Variants in OXR1 observed in about 807,000 individuals in gnomAD.
OXR1 encodes the protein oxidation resistance 1.
OXR1 carries 41 observed loss-of-function variants against 104.6 expected under a neutral mutation model. The ratio of observed to expected loss-of-function variants is 0.39; its 90% CI spans 0.31 to 0.51. The LOEUF (loss-of-function observed/expected upper bound fraction) is 0.51. Ranked by LOEUF, OXR1 falls within the 20% of genes least tolerant of loss-of-function variation. The pLI is 0.77. For missense variants in OXR1, 955 were observed against 1,031.9 expected (o/e 0.93, Z 1.02); for synonymous variants, 348 against 348.4 (o/e 1.00, Z 0.01).
chr8:106,498,361 A>T (rs1480445587), intron 2 of OXR1, among the ~76,000 whole-genome samples: 1 of 152,192 alleles, frequency 6.6e-6, no homozygotes, highest in African/African-American at 2.4e-5. Context: ...TAAATCAATC[A>T]AGCGTGTGAC....
intron 1 of OXR1, among the ~76,000 whole-genome samples, chr8:106,312,388 A>C (rs752181213): frequency 3.9e-5 from 6 of 152,212 alleles, no homozygotes; most frequent in Non-Finnish European, 8.8e-5. Flanking sequence ...CTTCCGCCAG[A>C]GTGAGCAAGA....
chr8:106,581,212 A>T (rs1201651568), intron 3 of OXR1: 11 of 1,288,128 alleles, frequency 8.5e-6, no homozygotes, highest in Non-Finnish European at 1.1e-5. Context: ...CAGAAAGCTG[A>T]ATTCCAAGGA....
chr8:106,607,142 C>T lies in OXR1; in HGVS notation c.221-72068C>T, dbSNP rs541049343. Among the ~76,000 whole-genome samples the T allele has an allele frequency of 2.9e-4, 44 of 152,328 alleles. No individual in the cohort carries two copies. The South Asian group carries it at 8.9e-3, about 31-fold the overall frequency. ...TTCCTCTTCTCTCTCCATACCTCTT[C>T]CCTTCTTGAAGATATTTTACTGCTG... On this transcript the variant is annotated intron_variant, in intron 3 of 16. Transcript: ENST00000517566.
chr8:106,641,796 C>T (rs1436854671), intron 3 of OXR1, among the ~76,000 whole-genome samples: 1 of 152,060 alleles, frequency 6.6e-6, no homozygotes, highest in Non-Finnish European at 1.5e-5. Flanking sequence ...GAAAGAGTAT[C>T]AGGCCAAAAC....
chr8:106,518,000 G>T (rs1472896769), intron 2 of OXR1, among the ~76,000 whole-genome samples: 1 of 152,086 alleles, frequency 6.6e-6, no homozygotes, highest in Non-Finnish European at 1.5e-5. Flanking sequence ...CCACGTCATG[G>T]GAAGCTTCCC....
At chr8:106,387,405 C>A (rs1817419678) in intron 2 of OXR1, among the ~76,000 whole-genome samples, 1 of 152,166 alleles carries the variant, frequency 6.6e-6, no homozygotes, top group South Asian at 2.1e-4. Flanking sequence ...CATCTAGACA[C>A]AATTATGTTT....
At chr8:106,596,712 T>C (rs1268818685) in intron 3 of OXR1, among the ~76,000 whole-genome samples, 1 of 152,134 alleles carries the variant, frequency 6.6e-6, no homozygotes, top group Non-Finnish European at 1.5e-5. Flanking sequence ...ATAGAGTCAA[T>C]GGTTCTCTCC....
At chr8:106,554,498 G>T (rs371556838) in intron 3 of OXR1, among the ~76,000 whole-genome samples, 83 of 152,230 alleles carry the variant, frequency 5.5e-4, no homozygotes, top group African/African-American at 1.8e-3. Flanking sequence ...AATAAGACCG[G>T]TAGATTAGTT....
chr8:106,728,375 GAT>G (rs1452691651), intron 11 of OXR1, among the ~76,000 whole-genome samples: 2 of 152,090 alleles, frequency 1.3e-5, no homozygotes, highest in Admixed American at 1.3e-4. Flanking sequence ...CTGTAAGAGA[GAT>G]TATCACTGAG....
intron 2 of OXR1, among the ~76,000 whole-genome samples, chr8:106,385,513 A>G (rs74491748): frequency 0.013 from 2,013 of 152,280 alleles, 23 homozygotes; most frequent in Non-Finnish European, 0.02. Context: ...CATGTGTTGA[A>G]CACTCAGTAT....
chr8:106,513,550 C>T (rs1363869916), intron 2 of OXR1, among the ~76,000 whole-genome samples: 1 of 152,132 alleles, frequency 6.6e-6, no homozygotes, highest in Non-Finnish European at 1.5e-5. Context: ...CTCTTGTTAT[C>T]CTTCACTCCT....
At chr8:106,278,697 A>G (rs1220256366) in intron 1 of OXR1, among the ~76,000 whole-genome samples, 1 of 152,210 alleles carries the variant, frequency 6.6e-6, no homozygotes, top group Non-Finnish European at 1.5e-5. Context: ...TGGATGTCAT[A>G]CATCACATAT....
intron 3 of OXR1, among the ~76,000 whole-genome samples, chr8:106,539,341 C>T (rs1036286033): frequency 6.6e-6 from 1 of 152,180 alleles, no homozygotes; most frequent in African/African-American, 2.4e-5. Flanking sequence ...AAGCATTGAA[C>T]ATGCCCGTTC....
In OXR1 at chr8:106,576,287, T is replaced by A. The variant is rs952674679; in HGVS notation, c.220+57148T>A. On this transcript the variant is annotated intron_variant, in intron 3 of 16. Coordinates refer to ENST00000517566, the MANE Select transcript of OXR1 (RefSeq NM_001198533.2). ...GTTCTTAGGAACAGTAAGATTATTT[T>A]CTGTATCTCGTAAATTTTCTAAAAT... 2.0e-5 allele frequency among the ~76,000 whole-genome samples: 3 copies of A among 151,892 alleles called. No homozygotes were observed. The East Asian group carries it at 5.8e-4, about 29-fold the overall frequency.
At chr8:106,278,640 A>T (rs1366661093) in intron 1 of OXR1, among the ~76,000 whole-genome samples, 2 of 152,302 alleles carry the variant, frequency 1.3e-5, no homozygotes, top group Admixed American at 1.3e-4. Context: ...TGGACTAAGG[A>T]TGCTTTCTCT....
intron 1 of OXR1, among the ~76,000 whole-genome samples, chr8:106,271,110 A>C (rs1811785555): frequency 6.6e-6 from 1 of 151,992 alleles, no homozygotes; most frequent in South Asian, 2.1e-4. Flanking sequence ...GGAGCTGTGC[A>C]GTATCGGGCG....
intron 3 of OXR1, among the ~76,000 whole-genome samples, chr8:106,526,263 C>T (rs554333425): frequency 2.9e-4 from 44 of 152,100 alleles, no homozygotes; most frequent in African/African-American, 9.4e-4. Flanking sequence ...GGACATTAGA[C>T]GCATTAATAA....
intron 1 of OXR1, among the ~76,000 whole-genome samples, chr8:106,314,771 A>G (rs932327189): frequency 1.4e-4 from 21 of 152,194 alleles, no homozygotes; most frequent in Non-Finnish European, 2.4e-4. Flanking sequence ...GATAGAATGC[A>G]ATTAATAATA....
intron 2 of OXR1, among the ~76,000 whole-genome samples, chr8:106,482,417 G>GA (rs5893792): frequency 0.84 from 122,436 of 144,942 alleles, 52,154 homozygotes; most frequent in South Asian, 0.95. Flanking sequence ...GGAACTGGGG[G>GA]AAAAAAAAAA....
Sources: gnomAD v4.1 joint callset for allele counts (sites outside exome capture counted in the v4.1 genomes callset) on GRCh38, gnomAD v4.1.1 for gene constraint, MANE v1.5 for transcripts, NCBI Gene and HGNC (gene_info 2026-07-23, HGNC 2026-07-21) for gene names.